Variants in NELL2 observed in about 807,000 individuals in gnomAD.
NELL2 encodes the protein neural EGFL like 2.
Under a neutral mutation model 109.6 loss-of-function variants are expected in NELL2, and 41 were observed. The ratio of observed to expected loss-of-function variants is 0.37; its 90% CI spans 0.29 to 0.49. The LOEUF (loss-of-function observed/expected upper bound fraction) is 0.49. NELL2 is among the 20% of genes least tolerant of loss of function. The pLI, the probability that NELL2 is intolerant of heterozygous loss-of-function variation, is 0.98. For missense variants in NELL2, 900 were observed against 1,008.3 expected, an observed-to-expected ratio of 0.89 and a Z score of 1.45; for synonymous variants, 355 against 344.7, an observed-to-expected ratio of 1.03 and a Z score of -0.33.
In NELL2 at chr12:44,585,377, G is replaced by A. The variant is rs11182543; in HGVS notation, c.1663+21792C>T. Among the ~76,000 whole-genome samples, 631 of 152,210 alleles carry A rather than the reference G, an allele frequency of 4.1e-3. 20 individuals carry two copies. In the East Asian group the frequency reaches 0.062, roughly 15 times the overall value. On this transcript the variant is annotated intron_variant, in intron 15 of 19. Transcript: ENST00000429094. ...AGAACTTTGGGAGGCTGAGGGAGGC[G>A]GATCATCTGAGGTCAGGAGTTCGAG...
At chr12:44,748,638 C>A (rs1195089401) in intron 9 of NELL2, among the ~76,000 whole-genome samples, 2 of 152,054 alleles carry the variant, frequency 1.3e-5, no homozygotes, top group Non-Finnish European at 2.9e-5. Context: ...GTTTCCATGG[C>A]ACCATAATTA....
intron 13 of NELL2, among the ~76,000 whole-genome samples, chr12:44,647,216 A>T (rs901306065): frequency 6.6e-6 from 1 of 152,172 alleles, no homozygotes; most frequent in Non-Finnish European, 1.5e-5. Flanking sequence ...AAGAACACGA[A>T]TTTGAGGATG....
At position 44,545,281 on chromosome 12, in the gene NELL2, G is replaced by T. The variant is rs373410315; in HGVS notation, c.1664-12560C>A. Among the ~76,000 whole-genome samples the T allele has an allele frequency of 4.1e-4, 63 of 152,112 alleles. 2 individuals are homozygous for T. The South Asian group carries it at 0.013, about 31-fold the overall frequency. ...AATGTGTAAGATACAAGACTTACAA[G>T]AGTTTTATTCATGTTAAGTATTTGA... On this transcript the variant is annotated intron_variant, in intron 15 of 19. Transcript: ENST00000429094.
At position 44,762,334 on chromosome 12, in the gene NELL2, C is replaced by T. The variant is rs558229881; in HGVS notation, c.994+12413G>A. On this transcript the variant is annotated intron_variant, in intron 9 of 19. Coordinates refer to ENST00000429094, the MANE Select transcript of NELL2 (RefSeq NM_001145108.2). ...CCTCTTACTTCCTTGATACAAAAAC[C>T]TTGTAATCATCCTCAACTCCTCTCT... 2.0e-5 allele frequency among the ~76,000 whole-genome samples: 3 copies of T among 152,258 alleles called. No individual in the cohort carries two copies. The East Asian group carries it at 5.8e-4, about 29-fold the overall frequency.
chr12:44,537,802 A>G (rs1323684666), intron 15 of NELL2, among the ~76,000 whole-genome samples: 1 of 152,136 alleles, frequency 6.6e-6, no homozygotes, highest in Non-Finnish European at 1.5e-5. Flanking sequence ...ATGCAAACGC[A>G]TTACATTACT....
chr12:44,517,371 T>TTCTCTCTCTCTCTC, intron 19 of NELL2, among the ~76,000 whole-genome samples: 1 of 102,506 alleles, frequency 9.8e-6, no homozygotes, highest in East Asian at 3.2e-4. Context: ...ACCAACTACT[T>TTCTCTCTCTCTCTC]TCTCTCTCTC....
At chr12:44,804,850 A>T (rs1232826000) in intron 3 of NELL2, among the ~76,000 whole-genome samples, 1 of 151,904 alleles carries the variant, frequency 6.6e-6, no homozygotes, top group Non-Finnish European at 1.5e-5. Flanking sequence ...TTGTTATTAT[A>T]CTCTGAGTTG....
At chr12:44,918,968 A>T (rs1177750286), upstream of NELL2, among the ~76,000 whole-genome samples, 1 of 152,212 alleles carries the variant, frequency 6.6e-6, no homozygotes, top group Non-Finnish European at 1.5e-5. Flanking sequence ...CCTGACAAAC[A>T]CAATTAACAT....
At chr12:44,791,121 G>GTATATATATATGTA (rs1555217775) in intron 3 of NELL2, among the ~76,000 whole-genome samples, 8 of 24,212 alleles carry the variant, frequency 3.3e-4, no homozygotes, top group African/African-American at 8.2e-4. Flanking sequence ...ATATATATAT[G>GTATATATATATGTA]TATATATATA....
intron 16 of NELL2, among the ~76,000 whole-genome samples, chr12:44,528,815 G>A (rs1442856756): frequency 1.3e-5 from 2 of 152,168 alleles, no homozygotes; most frequent in Admixed American, 6.5e-5. Flanking sequence ...AGCAGTCCAG[G>A]AGAAACCATT....
chr12:44,655,515 T>A (rs927862113), intron 13 of NELL2, among the ~76,000 whole-genome samples: 1 of 152,234 alleles, frequency 6.6e-6, no homozygotes, highest in Non-Finnish European at 1.5e-5. Flanking sequence ...ATTGTATGCA[T>A]GCACATATGT....
At chr12:44,687,114 A>G (rs1231484588) in intron 12 of NELL2, among the ~76,000 whole-genome samples, 6 of 152,152 alleles carry the variant, frequency 3.9e-5, no homozygotes, top group Admixed American at 2.0e-4. Flanking sequence ...CTGGTGCACC[A>G]TTTTTTAAGC....
intron 3 of NELL2, among the ~76,000 whole-genome samples, chr12:44,811,989 C>T (rs55879818): frequency 1.3e-5 from 2 of 151,880 alleles, no homozygotes; most frequent in South Asian, 4.2e-4. Flanking sequence ...ATCTTCCCCC[C>T]AAAAAAACCC....
At chr12:44,750,046 AAG>A (rs1211788833) in intron 9 of NELL2, among the ~76,000 whole-genome samples, 2 of 152,260 alleles carry the variant, frequency 1.3e-5, no homozygotes, top group African/African-American at 2.4e-5. Context: ...AACATATAAA[AAG>A]AGAGAGTATA....
intron 19 of NELL2, among the ~76,000 whole-genome samples, chr12:44,511,847 A>G (rs1941014202): frequency 6.6e-6 from 1 of 152,224 alleles, no homozygotes; most frequent in Non-Finnish European, 1.5e-5. Context: ...AAAGATTTAC[A>G]TGTAGTATTA....
chr12:44,915,042 A>G (rs1036331708), upstream of NELL2, among the ~76,000 whole-genome samples: 6 of 151,962 alleles, frequency 3.9e-5, no homozygotes, highest in Non-Finnish European at 7.4e-5. Context: ...TAGTAGAAAC[A>G]GGGTTTCACC....
chr12:44,872,072 T>C (rs1018963403), intron 2 of NELL2, among the ~76,000 whole-genome samples: 17 of 152,264 alleles, frequency 1.1e-4, no homozygotes, highest in African/African-American at 3.8e-4. Context: ...TGATCCCTCA[T>C]GTACAGAGAG....
chr12:44,786,127 C>T (rs1398399971), intron 3 of NELL2, among the ~76,000 whole-genome samples: 3 of 151,986 alleles, frequency 2.0e-5, no homozygotes, highest in Non-Finnish European at 4.4e-5. Context: ...GCATTCTATC[C>T]ATCTGACAAA....
chr12:44,597,652 T>C (rs1945020321), intron 15 of NELL2, among the ~76,000 whole-genome samples: 1 of 152,194 alleles, frequency 6.6e-6, no homozygotes, highest in African/African-American at 2.4e-5. Flanking sequence ...TATACTTTAT[T>C]AATATTCATG....
Sources: gnomAD v4.1 joint callset for allele counts (sites outside exome capture counted in the v4.1 genomes callset) on GRCh38, gnomAD v4.1.1 for gene constraint, MANE v1.5 for transcripts, NCBI Gene and HGNC (gene_info 2026-07-23, HGNC 2026-07-21) for gene names.